The following MCF2L2 variants were observed in gnomAD, a reference collection of about 807,000 sequenced individuals.
MCF2L2 encodes MCF.2 cell line derived transforming sequence-like 2.
In MCF2L2, 102 loss-of-function variants were observed where a neutral mutation model predicts 150.2. The ratio of observed to expected loss-of-function variants is 0.68; its 90% CI spans 0.58 to 0.80. The LOEUF is 0.80. Ranked by LOEUF, MCF2L2 falls within the 30% of genes least tolerant of loss-of-function variation. The pLI is 0.00. For missense variants in MCF2L2, 1,256 were observed against 1,372.8 expected, an observed-to-expected ratio of 0.91 and a Z score of 1.34; for synonymous variants, 465 against 491.3, an observed-to-expected ratio of 0.95 and a Z score of 0.71.
At chr3:183,346,579 T>C (rs779869682) in intron 3 of MCF2L2, among the ~76,000 whole-genome samples, 2 of 152,052 alleles carry the variant, frequency 1.3e-5, no homozygotes, top group Non-Finnish European at 2.9e-5. Flanking sequence ...GGCAAGAGAA[T>C]GAAATAAAGG....
At chr3:183,269,463 C>T (rs779651010) in intron 15 of MCF2L2, 21 of 229,024 alleles carry the variant, frequency 9.2e-5, no homozygotes, top group South Asian at 1.8e-4. Flanking sequence ...GTAACCCACG[C>T]GATTGTGATT....
chr3:183,192,296 G>A (rs1296827482), intron 27 of MCF2L2, among the ~76,000 whole-genome samples: 23 of 151,904 alleles, frequency 1.5e-4, no homozygotes, highest in African/African-American at 5.6e-4. Flanking sequence ...ACACCACCAC[G>A]CCCGGCTGAT....
Position 183,381,367 on chromosome 3 carries a change from C to T in MCF2L2, c.161-1956G>A, listed in dbSNP as rs190906635. 2.0e-5 allele frequency among the ~76,000 whole-genome samples: 3 copies of T among 152,264 alleles called. No individual in the cohort carries two copies. The East Asian group carries it at 5.8e-4, about 29-fold the overall frequency. ...TGCTATTCTAAGGAGAGAGGGCCAG[C>T]CCACTCTGAGAGTCCAACCCACGTT... On this transcript the variant is annotated intron_variant, in intron 2 of 29. Transcript: ENST00000328913.
chr3:183,294,081 T>C (rs1577034003), intron 13 of MCF2L2, among the ~76,000 whole-genome samples: 1 of 152,124 alleles, frequency 6.6e-6, no homozygotes, highest in South Asian at 2.1e-4. Flanking sequence ...CTAAAATTTA[T>C]GGAACAATGA....
chr3:183,380,679 G>A (rs1713472735), intron 2 of MCF2L2, among the ~76,000 whole-genome samples: 1 of 152,210 alleles, frequency 6.6e-6, no homozygotes, highest in Non-Finnish European at 1.5e-5. Context: ...TGGGATTACA[G>A]GCATGAGCCA....
chr3:183,189,936 G>A (rs1201460785), intron 27 of MCF2L2, among the ~76,000 whole-genome samples: 7 of 152,142 alleles, frequency 4.6e-5, no homozygotes, highest in South Asian at 4.1e-4. Flanking sequence ...TGGCAGACTC[G>A]CCTAGGCTGA....
At chr3:183,222,406 C>T (rs1396499219) in intron 20 of MCF2L2, among the ~76,000 whole-genome samples, 1 of 152,062 alleles carries the variant, frequency 6.6e-6, no homozygotes, top group Non-Finnish European at 1.5e-5. Flanking sequence ...AAAAATTAGC[C>T]AGGCATGGCG....
At chr3:183,308,444 T>C (rs751398156) in intron 10 of MCF2L2, among the ~76,000 whole-genome samples, 8 of 152,228 alleles carry the variant, frequency 5.3e-5, no homozygotes, top group Non-Finnish European at 1.0e-4. Context: ...TATATGAAAT[T>C]CAACTTTTCC....
chr3:183,263,648 G>C (rs1034365728), intron 15 of MCF2L2, among the ~76,000 whole-genome samples: 5 of 151,936 alleles, frequency 3.3e-5, no homozygotes, highest in Admixed American at 3.3e-4. Context: ...TACCCACCTG[G>C]ATCTCTCCAG....
intron 1 of MCF2L2, among the ~76,000 whole-genome samples, chr3:183,422,160 T>C (rs1715916884): frequency 6.6e-6 from 1 of 152,224 alleles, no homozygotes; most frequent in Admixed American, 6.5e-5. Context: ...CCTCTTTCCC[T>C]GGTTCAGAGG....
intron 1 of MCF2L2, among the ~76,000 whole-genome samples, chr3:183,414,450 C>G (rs926677103): frequency 6.6e-6 from 1 of 151,964 alleles, no homozygotes; most frequent in Non-Finnish European, 1.5e-5. Flanking sequence ...AAGTCATTTA[C>G]GCCTTCTCTT....
intron 5 of MCF2L2, among the ~76,000 whole-genome samples, chr3:183,331,187 T>C (rs1293368848): frequency 6.6e-6 from 1 of 152,196 alleles, no homozygotes; most frequent in Non-Finnish European, 1.5e-5. Context: ...CCCCAAAGAC[T>C]GCAGGAGTTA....
intron 14 of MCF2L2, chr3:183,287,481 G>A (rs1223847386): frequency 6.6e-6 from 1 of 152,194 alleles, no homozygotes; most frequent in Non-Finnish European, 1.5e-5. Flanking sequence ...AAATGGATAG[G>A]CTGATGTTCA....
chr3:183,395,176 T>G (rs1577120460), intron 1 of MCF2L2, among the ~76,000 whole-genome samples: 1 of 152,198 alleles, frequency 6.6e-6, no homozygotes, highest in African/African-American at 2.4e-5. Flanking sequence ...CATGAGAACA[T>G]AATAAAAACT....
At chr3:183,287,694 G>A (rs1053468380) in intron 14 of MCF2L2, 1 of 152,206 alleles carries the variant, frequency 6.6e-6, no homozygotes, top group African/African-American at 2.4e-5. Flanking sequence ...AGGGATTTAT[G>A]GACAGCGGTG....
chr3:183,387,931 CAAAAAAAAAAAAA>C (rs61024469), intron 2 of MCF2L2, among the ~76,000 whole-genome samples: 18 of 72,402 alleles, frequency 2.5e-4, no homozygotes, highest in African/African-American at 8.2e-4. Context: ...GACTCCATCT[CAAAAAAAAAAAAA>C]AAAAAAAAAA....
Position 183,305,010 on chromosome 3 carries a change from G to A in MCF2L2, c.1113+4706C>T, listed in dbSNP as rs1027552428. 6.6e-6 allele frequency among the ~76,000 whole-genome samples: 1 copy of A among 152,160 alleles called. No individual in the cohort carries two copies. Among genetic ancestry groups the A allele is most frequent in the African/African-American group, 2.4e-5 (1 of 41,432 alleles). On this transcript the variant is annotated intron_variant, in intron 10 of 29. Transcript: ENST00000328913. The surrounding 1 kb of genome is among the most constrained non-coding windows in gnomAD (Gnocchi z 4.1). ...GCTAACATCTACTGAGAGCTTAACAGATGCCAGGCACTGTTCTGAATGCTT... is the reference window on the plus strand; with the variant it reads ...GCTAACATCTACTGAGAGCTTAACAAATGCCAGGCACTGTTCTGAATGCTT...
At chr3:183,187,963 T>C (rs891634086) in intron 27 of MCF2L2, among the ~76,000 whole-genome samples, 3 of 152,106 alleles carry the variant, frequency 2.0e-5, no homozygotes, top group African/African-American at 7.2e-5. Flanking sequence ...GCAGTTACCA[T>C]AGTGGAAGGA....
chr3:183,226,894 T>G (rs536820535), intron 18 of MCF2L2: 1 of 152,214 alleles, frequency 6.6e-6, no homozygotes, highest in Non-Finnish European at 1.5e-5. Flanking sequence ...TCAGTGTACA[T>G]TGAATTCTGG....
Sources: gnomAD v4.1 joint callset for allele counts (sites outside exome capture counted in the v4.1 genomes callset) on GRCh38, gnomAD v4.1.1 for gene constraint, Gnocchi (gnomAD v3.1) non-coding constraint, MANE v1.5 for transcripts, NCBI Gene and HGNC (gene_info 2026-07-23, HGNC 2026-07-21) for gene names.